The following MGAT5 variants were observed in gnomAD, a reference collection of about 807,000 sequenced individuals.
MGAT5 encodes alpha-1,6-mannosylglycoprotein 6-beta-N-acetylglucosaminyltransferase A.
A neutral mutation model predicts 94.3 loss-of-function variants in MGAT5; 30 were observed. The observed-to-expected ratio is 0.32, with a 90% CI of 0.24 to 0.43. MGAT5 has a LOEUF of 0.43. MGAT5 is among the 20% of genes least tolerant of loss of function. The probability of loss-of-function intolerance (pLI) is 1.00; values close to 1 mark genes in which losing one functional copy is unlikely to be tolerated. For synonymous variants in MGAT5, 310 were observed against 322.9 expected (o/e 0.96, Z 0.43); for missense variants, 691 against 905.5 (o/e 0.76, Z 3.04).
At chr2:134,274,703 T>C (rs1490624801) in intron 2 of MGAT5, among the ~76,000 whole-genome samples, 4 of 152,212 alleles carry the variant, frequency 2.6e-5, no homozygotes, top group African/African-American at 9.6e-5. Context: ...CCAAGTGGTG[T>C]TGTGATGACT....
At chr2:134,297,511 T>A (rs1003899362) in intron 2 of MGAT5, among the ~76,000 whole-genome samples, 1 of 152,150 alleles carries the variant, frequency 6.6e-6, no homozygotes, top group Non-Finnish European at 1.5e-5. Context: ...AACCCCAAAT[T>A]TGGCAACATA....
intron 2 of MGAT5, among the ~76,000 whole-genome samples, chr2:134,290,183 C>T (rs1315077879): frequency 6.6e-6 from 1 of 152,206 alleles, no homozygotes; most frequent in East Asian, 1.9e-4. Flanking sequence ...CAAAAGTGCA[C>T]ACTTGAAACA....
intron 1 of MGAT5, among the ~76,000 whole-genome samples, chr2:134,180,299 C>G (rs1005931822): frequency 6.6e-6 from 1 of 152,158 alleles, no homozygotes; most frequent in African/African-American, 2.4e-5. Flanking sequence ...TCCAAGAACC[C>G]TCTCTTGGGG....
At chr2:134,189,226 C>T (rs1689197023) in intron 1 of MGAT5, among the ~76,000 whole-genome samples, 1 of 152,154 alleles carries the variant, frequency 6.6e-6, no homozygotes, top group Admixed American at 6.5e-5. Context: ...TGGCTTAGAG[C>T]CCTGATCCTC....
intron 2 of MGAT5, among the ~76,000 whole-genome samples, chr2:134,314,847 C>A (rs1194156933): frequency 6.6e-6 from 1 of 152,110 alleles, no homozygotes; most frequent in Non-Finnish European, 1.5e-5. Flanking sequence ...CTTTGGGAAT[C>A]TCCTAGCATA....
At chr2:134,423,541 T>C (rs569420009) in intron 13 of MGAT5, among the ~76,000 whole-genome samples, 1 of 152,286 alleles carries the variant, frequency 6.6e-6, no homozygotes, top group South Asian at 2.1e-4. Flanking sequence ...AGTTCAGTTA[T>C]CCTTTCTCCC....
At chr2:134,138,100 C>A (rs1686500590) in intron 1 of MGAT5, among the ~76,000 whole-genome samples, 1 of 151,608 alleles carries the variant, frequency 6.6e-6, no homozygotes, top group African/African-American at 2.4e-5. Context: ...AAGTGATCTT[C>A]CCACCTCAGC....
chr2:134,381,486 TAGACAGACCAGACAGAC>T (rs943082457), intron 10 of MGAT5, among the ~76,000 whole-genome samples: 85 of 123,066 alleles, frequency 6.9e-4, no homozygotes, highest in African/African-American at 1.7e-3. Context: ...GGTAGAGAAA[TAGACAGACCAGACAGAC>T]AGACAGACCA....
chr2:134,219,731 G>A (rs1294884425), intron 1 of MGAT5, among the ~76,000 whole-genome samples: 2 of 152,154 alleles, frequency 1.3e-5, no homozygotes, highest in Non-Finnish European at 2.9e-5. Flanking sequence ...AGGAGATCCT[G>A]AAAAAATTAC....
intron 1 of MGAT5, among the ~76,000 whole-genome samples, chr2:134,247,661 A>T (rs1180975200): frequency 6.6e-6 from 1 of 152,204 alleles, no homozygotes. Flanking sequence ...TGTTCTTTGG[A>T]GCACAGTTTG....
intron 10 of MGAT5, among the ~76,000 whole-genome samples, chr2:134,385,661 G>GT (rs1681925028): frequency 6.6e-6 from 1 of 152,134 alleles, no homozygotes; most frequent in South Asian, 2.1e-4. Flanking sequence ...GGTAAGTATG[G>GT]TTTTTAAAAG....
chr2:134,280,816 A>G (rs1252111854), intron 2 of MGAT5, among the ~76,000 whole-genome samples: 1 of 152,264 alleles, frequency 6.6e-6, no homozygotes, highest in Non-Finnish European at 1.5e-5. Context: ...TGCTGGGCAC[A>G]AAATAAGAGC....
intron 10 of MGAT5, among the ~76,000 whole-genome samples, chr2:134,376,808 G>A (rs945087026): frequency 2.6e-5 from 4 of 152,102 alleles, no homozygotes; most frequent in Admixed American, 6.5e-5. Context: ...CTGTAGGACC[G>A]TGATCCAAGG....
chr2:134,246,543 T>TA (rs1425705164), intron 1 of MGAT5, among the ~76,000 whole-genome samples: 1 of 152,264 alleles, frequency 6.6e-6, no homozygotes, highest in African/African-American at 2.4e-5. Flanking sequence ...CTGTCTTTCT[T>TA]ACACCAGTAA....
intron 2 of MGAT5, among the ~76,000 whole-genome samples, chr2:134,302,033 G>A (rs572607269): frequency 2.6e-5 from 4 of 152,132 alleles, no homozygotes; most frequent in African/African-American, 4.8e-5. Flanking sequence ...ATGTAAAGCC[G>A]GACTTTTTAT....
chr2:134,159,554 T>C (rs756261203), intron 1 of MGAT5, among the ~76,000 whole-genome samples: 1 of 152,190 alleles, frequency 6.6e-6, no homozygotes, highest in Non-Finnish European at 1.5e-5. Context: ...ATAAGTAGTA[T>C]GAGGCTGGGC....
chr2:134,179,389 G>A (rs971672011), intron 1 of MGAT5, among the ~76,000 whole-genome samples: 1 of 152,138 alleles, frequency 6.6e-6, no homozygotes, highest in Non-Finnish European at 1.5e-5. Flanking sequence ...ATAAGGTGTC[G>A]TCAAACACAC....
At chr2:134,424,101 T>G (rs564928859) in intron 13 of MGAT5, among the ~76,000 whole-genome samples, 16 of 152,250 alleles carry the variant, frequency 1.1e-4, no homozygotes, top group African/African-American at 3.9e-4. Flanking sequence ...TTTAGTTAAG[T>G]CTTACAGGAT....
chr2:134,209,152 A>ATTTTT (rs869116395), intron 1 of MGAT5, among the ~76,000 whole-genome samples: 3 of 20,778 alleles, frequency 1.4e-4, no homozygotes, highest in African/African-American at 6.5e-4. Context: ...TTTTTTTTTT[A>ATTTTT]TTTTTTTTTT....
Sources: allele counts gnomAD v4.1 joint callset (sites outside exome capture counted in the v4.1 genomes callset), GRCh38; gene constraint gnomAD v4.1.1; transcripts MANE v1.5; gene names NCBI Gene and HGNC (gene_info 2026-07-23, HGNC 2026-07-21).